Variants in PCDH7 observed in about 807,000 individuals in gnomAD.
The protein encoded by PCDH7 is protocadherin 7.
In PCDH7, 17 loss-of-function variants were observed where a neutral mutation model predicts 58.9. The observed-to-expected ratio is 0.29, with a 90% CI of 0.20 to 0.43. The LOEUF is 0.43. PCDH7 is among the 20% of genes least tolerant of loss of function. The pLI, the probability that PCDH7 is intolerant of heterozygous loss-of-function variation, is 1.00. For synonymous variants in PCDH7, 664 were observed against 616.4 expected, an observed-to-expected ratio of 1.08 and a Z score of -1.14; for missense variants, 1,274 against 1,441.0, an observed-to-expected ratio of 0.88 and a Z score of 1.88.
At chr4:30,991,623 A>G (rs1466779068) in intron 3 of PCDH7, among the ~76,000 whole-genome samples, 1 of 152,164 alleles carries the variant, frequency 6.6e-6, no homozygotes, top group African/African-American at 2.4e-5. Context: ...TTTAAAAGGC[A>G]AAGGTTAAAT....
intron 3 of PCDH7, among the ~76,000 whole-genome samples, chr4:31,099,234 A>G (rs1222030665): frequency 6.6e-6 from 1 of 152,200 alleles, no homozygotes; most frequent in Non-Finnish European, 1.5e-5. Flanking sequence ...GAAAGGGGGC[A>G]AAGGAAAGTC....
intron 3 of PCDH7, among the ~76,000 whole-genome samples, chr4:31,092,829 T>C (rs939943222): frequency 6.6e-6 from 1 of 152,080 alleles, no homozygotes; most frequent in African/African-American, 2.4e-5. Flanking sequence ...ATCACCACTT[T>C]ATGCTTAGTT....
At chr4:30,904,119 A>G (rs1029072195) in intron 1 of PCDH7, among the ~76,000 whole-genome samples, 1 of 152,130 alleles carries the variant, frequency 6.6e-6, no homozygotes, top group African/African-American at 2.4e-5. Flanking sequence ...TGTCACTTCC[A>G]TCTACTCCCC....
intron 1 of PCDH7, among the ~76,000 whole-genome samples, chr4:30,805,133 T>A (rs1726018237): frequency 6.6e-6 from 1 of 152,228 alleles, no homozygotes; most frequent in East Asian, 1.9e-4. Flanking sequence ...GACTACATCT[T>A]GTCAGTCTGC....
At chr4:30,945,658 C>T (rs1457889830) in intron 2 of PCDH7, among the ~76,000 whole-genome samples, 1 of 151,974 alleles carries the variant, frequency 6.6e-6, no homozygotes, top group African/African-American at 2.4e-5. Context: ...CTGATAAGCT[C>T]ACCCAGGGTT....
intron 3 of PCDH7, among the ~76,000 whole-genome samples, chr4:30,971,663 T>C (rs1359922077): frequency 1.3e-5 from 2 of 152,218 alleles, no homozygotes; most frequent in African/African-American, 4.8e-5. Flanking sequence ...CAGTAAGTGA[T>C]ACATTGTAGG....
At chr4:31,097,488 GAAAA>G (rs1469896589) in intron 3 of PCDH7, among the ~76,000 whole-genome samples, 3 of 119,680 alleles carry the variant, frequency 2.5e-5, no homozygotes, top group African/African-American at 7.1e-5. Context: ...AAGGAAGAAA[GAAAA>G]AAAGAAAGAA....
intron 1 of PCDH7, among the ~76,000 whole-genome samples, chr4:30,838,406 C>G (rs1730783761): frequency 6.6e-6 from 1 of 151,952 alleles, no homozygotes; most frequent in Admixed American, 6.6e-5. Context: ...TTCTTGACAC[C>G]TTAGCATTCA....
intron 3 of PCDH7, among the ~76,000 whole-genome samples, chr4:31,097,080 A>C (rs1714101835): frequency 6.6e-6 from 1 of 152,030 alleles, no homozygotes; most frequent in South Asian, 2.1e-4. Flanking sequence ...ATTTGCGCCT[A>C]GTTGTGCCAT....
intron 3 of PCDH7, among the ~76,000 whole-genome samples, chr4:31,080,235 CT>C (rs1203908392): frequency 5.3e-5 from 8 of 152,024 alleles, no homozygotes; most frequent in African/African-American, 1.9e-4. Context: ...GATTTTGCTT[CT>C]TTCCCCCTAC....
chr4:30,964,477 A>G (rs1748803958), intron 3 of PCDH7, among the ~76,000 whole-genome samples: 1 of 151,886 alleles, frequency 6.6e-6, no homozygotes, highest in Non-Finnish European at 1.5e-5. Context: ...TCCTGATCTC[A>G]TGATCCGCCT....
In PCDH7 at chr4:30,722,365, G is replaced by T; in HGVS notation, c.943G>T (p.Ala315Ser). 1 of 1,612,466 alleles carries T rather than the reference G, an allele frequency of 6.2e-7. No individual in the cohort carries two copies. The stretch of plus-strand genomic sequence containing the variant: ...CCGCTTCGAGAAGAGCGTGTACGAG[G>T]CCGACTTGGCTGAGAACAGCGCCCC... The change falls in exon 1 of 2, where the codon GCC (alanine) becomes TCC (serine). Residue 315 changes from alanine to serine, a missense_variant. Coordinates refer to ENST00000361762, the Ensembl canonical transcript of PCDH7. The surrounding 1 kb of genome is among the most constrained non-coding windows in gnomAD (Gnocchi z 7.6).
At chr4:31,115,427 A>G (rs1399483771) in intron 3 of PCDH7, among the ~76,000 whole-genome samples, 1 of 152,132 alleles carries the variant, frequency 6.6e-6, no homozygotes, top group African/African-American at 2.4e-5. Context: ...ATGTGTTTAC[A>G]TATTTGTTTT....
At chr4:30,976,487 G>A (rs571212078) in intron 3 of PCDH7, among the ~76,000 whole-genome samples, 1 of 142,406 alleles carries the variant, frequency 7.0e-6, no homozygotes, top group Non-Finnish European at 1.5e-5. Context: ...TGAAACCCCT[G>A]CCTCTGGGGT....
At chr4:30,769,764 T>C (rs1006447190) in intron 1 of PCDH7, among the ~76,000 whole-genome samples, 8 of 152,224 alleles carry the variant, frequency 5.3e-5, no homozygotes, top group Non-Finnish European at 2.9e-5. Flanking sequence ...CATAATTCTT[T>C]AAGCTAAGAG....
chr4:30,926,396 G>C (rs1258907566), intron 2 of PCDH7, among the ~76,000 whole-genome samples: 1 of 152,102 alleles, frequency 6.6e-6, no homozygotes. Flanking sequence ...ATGTTAGCTA[G>C]GATGGTCTCC....
At chr4:30,990,987 G>T (rs1323296347) in intron 3 of PCDH7, among the ~76,000 whole-genome samples, 1 of 152,106 alleles carries the variant, frequency 6.6e-6, no homozygotes, top group East Asian at 1.9e-4. Flanking sequence ...GCAAGGAAGA[G>T]AAGTATTCCA....
At chr4:30,889,761 AC>A (rs1738366850) in intron 1 of PCDH7, among the ~76,000 whole-genome samples, 1 of 152,006 alleles carries the variant, frequency 6.6e-6, no homozygotes, top group Admixed American at 6.6e-5. Context: ...AGGATGCTCA[AC>A]CCATCCTCGT....
chr4:30,974,025 G>A (rs1027440853), intron 3 of PCDH7, among the ~76,000 whole-genome samples: 1 of 151,626 alleles, frequency 6.6e-6, no homozygotes, highest in Non-Finnish European at 1.5e-5. Context: ...AGATACCCTT[G>A]TCTTCTAGCT....
Sources: gnomAD v4.1 joint callset for allele counts (sites outside exome capture counted in the v4.1 genomes callset) on GRCh38, gnomAD v4.1.1 for gene constraint, Gnocchi (gnomAD v3.1) non-coding constraint, MANE v1.5 for transcripts, NCBI Gene and HGNC (gene_info 2026-07-23, HGNC 2026-07-21) for gene names.